The following DNAAF11 variants were observed in gnomAD, a reference collection of about 807,000 sequenced individuals.
The protein encoded by DNAAF11 is dynein axonemal assembly factor 11, also known as leucine rich repeat containing 6.
Under a neutral mutation model 60.8 loss-of-function variants are expected in DNAAF11, and 45 were observed. That is an observed-to-expected ratio of 0.74 (90% CI 0.58 to 0.95). DNAAF11 has a LOEUF of 0.95. DNAAF11 is among the 40% of genes least tolerant of loss of function. DNAAF11 has a pLI of 0.00. For synonymous variants in DNAAF11, 191 were observed against 183.5 expected, an observed-to-expected ratio of 1.04 and a Z score of -0.33; for missense variants, 546 against 546.2, an observed-to-expected ratio of 1.00 and a Z score of 0.00.
chr8:132,657,352 C>T (rs1351176620), intron 2 of DNAAF11, among the ~76,000 whole-genome samples: 1 of 152,190 alleles, frequency 6.6e-6, no homozygotes, highest in Non-Finnish European at 1.5e-5. Flanking sequence ...GGGTTCTTAT[C>T]TCTTTTTCCT....
intron 10 of DNAAF11, among the ~76,000 whole-genome samples, chr8:132,606,535 C>T (rs2129863520): frequency 6.6e-6 from 1 of 152,250 alleles, no homozygotes; most frequent in Admixed American, 6.5e-5. Flanking sequence ...AGTGCAGTGG[C>T]ACAATCAATG....
At chr8:132,664,616 C>T (rs1452220432) in intron 1 of DNAAF11, among the ~76,000 whole-genome samples, 2 of 151,950 alleles carry the variant, frequency 1.3e-5, no homozygotes, top group Non-Finnish European at 2.9e-5. Context: ...CATGCGCCAC[C>T]ACACCCAGCT....
intron 10 of DNAAF11, 153 bp downstream of exon 10, chr8:132,610,013 A>T: frequency 1.7e-6 from 1 of 572,276 alleles, no homozygotes; most frequent in Non-Finnish European, 3.1e-6. Flanking sequence ...GTTCTCACAG[A>T]CCGTTGTTCT....
chr8:132,697,073 G>A, the DNAAF11 span, among the ~76,000 whole-genome samples: 2 of 152,150 alleles, frequency 1.3e-5, no homozygotes, highest in Non-Finnish European at 2.9e-5. Flanking sequence ...AAAACACAAA[G>A]ACCGCATATT....
At chr8:132,649,784 C>T (rs202082990) in intron 3 of DNAAF11, among the ~76,000 whole-genome samples, 2 of 152,154 alleles carry the variant, frequency 1.3e-5, no homozygotes, top group African/African-American at 4.8e-5. Flanking sequence ...TCATCACTGG[C>T]CATCAGAGAA....
intron 11 of DNAAF11, among the ~76,000 whole-genome samples, chr8:132,576,014 T>G (rs1038717842): frequency 2.0e-5 from 3 of 152,218 alleles, no homozygotes; most frequent in East Asian, 3.9e-4. Context: ...CCTCGCCCAC[T>G]ACATTTTTCT....
At chr8:132,590,975 C>G (rs1338412452) in intron 10 of DNAAF11, among the ~76,000 whole-genome samples, 1 of 152,182 alleles carries the variant, frequency 6.6e-6, no homozygotes, top group Non-Finnish European at 1.5e-5. Flanking sequence ...TATGTGTGCA[C>G]TATCATTTAA....
At chr8:132,576,538 G>A (rs1814767336) in intron 11 of DNAAF11, among the ~76,000 whole-genome samples, 1 of 152,156 alleles carries the variant, frequency 6.6e-6, no homozygotes, top group Admixed American at 6.5e-5. Context: ...AACTGAAAGG[G>A]ATGTGTTGTT....
At chr8:132,608,564 T>C (rs1179658113) in intron 10 of DNAAF11, 3 of 420,932 alleles carry the variant, frequency 7.1e-6, no homozygotes, top group Admixed American at 2.5e-5. Context: ...CTGCAAAAGA[T>C]ACACAAATCA....
At chr8:132,590,733 A>G (rs574251193) in intron 10 of DNAAF11, among the ~76,000 whole-genome samples, 2 of 152,274 alleles carry the variant, frequency 1.3e-5, no homozygotes, top group Non-Finnish European at 2.9e-5. Context: ...TGAGTTTTGA[A>G]AACAGTCCTA....
intron 3 of DNAAF11, among the ~76,000 whole-genome samples, chr8:132,651,582 G>A (rs530202239): frequency 6.6e-6 from 1 of 152,164 alleles, no homozygotes; most frequent in Non-Finnish European, 1.5e-5. Flanking sequence ...AAGGCAGGAG[G>A]GGGGTTGGCC....
chr8:132,614,983 T>C lies in DNAAF11; in HGVS notation c.974+55A>G, dbSNP rs551327320. 7.3e-5 allele frequency: 85 copies of C among 1,160,556 alleles called. No homozygotes were observed. The African/African-American group carries it at 1.2e-3, about 16-fold the overall frequency. 71.9% of individuals were successfully genotyped at this position (1,160,556 alleles called of 1,614,324 possible). ...TTTTTTCAAACTAAAAAATTACTAC[T>C]GAGAATGAAAACAGACAGAAATGTC... On this transcript the variant is annotated intron_variant, in intron 8 of 11. Coordinates refer to ENST00000620350, the MANE Select transcript of DNAAF11 (RefSeq NM_012472.6).
chr8:132,672,960 C>T (rs914436710), intron 1 of DNAAF11, among the ~76,000 whole-genome samples: 3 of 152,142 alleles, frequency 2.0e-5, no homozygotes, highest in Non-Finnish European at 2.9e-5. Context: ...TAATGACATC[C>T]CTGCGTCTTT....
chr8:132,585,495 C>A (rs1315576682), intron 10 of DNAAF11, among the ~76,000 whole-genome samples: 1 of 152,094 alleles, frequency 6.6e-6, no homozygotes, highest in African/African-American at 2.4e-5. Context: ...AAATAATACC[C>A]TTAATGTCAC....
At chr8:132,683,672 A>G in the DNAAF11 span, among the ~76,000 whole-genome samples, 3 of 152,300 alleles carry the variant, frequency 2.0e-5, no homozygotes, top group South Asian at 4.1e-4. Context: ...TGCATAGAGT[A>G]TCTCTAACAC....
At chr8:132,676,229 A>G (rs921830060), upstream of DNAAF11, among the ~76,000 whole-genome samples, 4 of 152,198 alleles carry the variant, frequency 2.6e-5, no homozygotes, top group East Asian at 5.8e-4. Flanking sequence ...TATATCTCCT[A>G]CAGCCCCACA....
intron 1 of DNAAF11, among the ~76,000 whole-genome samples, chr8:132,670,336 T>C (rs1825063721): frequency 6.6e-6 from 1 of 151,424 alleles, no homozygotes; most frequent in South Asian, 2.1e-4. Context: ...ATTCTACAGA[T>C]ATTATAGGTA....
chr8:132,643,804 G>A (rs1008659023), intron 3 of DNAAF11: 1 of 443,888 alleles, frequency 2.3e-6, no homozygotes, highest in Non-Finnish European at 4.5e-6. Flanking sequence ...AAAGGGAATT[G>A]TGAGTAGCTA....
chr8:132,572,471 G>A lies in DNAAF11; in HGVS notation c.1236C>T (p.His412=). The part of the protein sequence containing the change: ...SREQTNTRSK[H]MEKLEVDPSK... ...TAGGGTCTACTTCTAGTTTCTCCATGTGCTTGCTTCTATAACAACAAAAAA... is the reference window on the plus strand; with the variant it reads ...TAGGGTCTACTTCTAGTTTCTCCATATGCTTGCTTCTATAACAACAAAAAA... The change falls in exon 12 of 12, where the codon CAC becomes CAT. Residue 412 remains histidine (H), a synonymous_variant. Coordinates refer to ENST00000620350, the MANE Select transcript of DNAAF11 (RefSeq NM_012472.6). 2 of 1,590,904 alleles carry A rather than the reference G, an allele frequency of 1.3e-6. No homozygotes were observed. Among genetic ancestry groups the A allele is most frequent in the Non-Finnish European group, 1.7e-6 (2 of 1,170,566 alleles).
Sources: gnomAD v4.1 joint callset for allele counts (sites outside exome capture counted in the v4.1 genomes callset) on GRCh38, gnomAD v4.1.1 for gene constraint, MANE v1.5 for transcripts, NCBI Gene and HGNC (gene_info 2026-07-23, HGNC 2026-07-21) for gene names.